ADAMTS2: variants seen among roughly 807,000 people sequenced by gnomAD.
ADAMTS2 encodes ADAM metallopeptidase with thrombospondin type 1 motif 2.
Under a neutral mutation model 123.0 loss-of-function variants are expected in ADAMTS2, and 50 were observed. The ratio of observed to expected loss-of-function variants is 0.41; its 90% CI spans 0.32 to 0.51. The LOEUF (loss-of-function observed/expected upper bound fraction) is 0.51. Among genes scored for constraint, ADAMTS2 ranks in the 20% least tolerant of loss-of-function variants. The pLI is 0.35. For missense variants in ADAMTS2, 1,494 were observed against 1,705.2 expected, an observed-to-expected ratio of 0.88 and a Z score of 2.18; for synonymous variants, 678 against 695.4, an observed-to-expected ratio of 0.98 and a Z score of 0.39.
intron 9 of ADAMTS2, among the ~76,000 whole-genome samples, chr5:179,153,032 C>T (rs1479789790): frequency 6.6e-6 from 1 of 152,236 alleles, no homozygotes; most frequent in Non-Finnish European, 1.5e-5. Flanking sequence ...ATGCCGATGG[C>T]CGGTTCCTCT....
chr5:179,181,200 A>ACTGGCT lies in ADAMTS2; in HGVS notation c.892-51_892-46dup. 6.9e-7 allele frequency: 1 copy of ACTGGCT among 1,439,082 alleles called. No homozygotes were observed. Among genetic ancestry groups the ACTGGCT allele is most frequent in the Non-Finnish European group, 9.8e-7 (1 of 1,021,366 alleles). 89.1% of individuals were successfully genotyped at this position (1,439,082 alleles called of 1,614,324 possible). A position where few individuals can be genotyped will look rare whatever the true frequency, so the allele number is the denominator to read the frequency against. ...ATCAGCGGGAACCACAGGCCCTAGGACTGGCTCTGGCTCTGCCAATGGGAT... is the reference window on the plus strand; with the variant it reads ...ATCAGCGGGAACCACAGGCCCTAGGACTGGCTCTGGCTCTGGCTCTGCCAATGGGAT... On this transcript the variant is annotated intron_variant, in intron 4 of 21. Transcript: ENST00000251582. This position sits in a 1 kb window ranked among gnomAD's most constrained non-coding sequence, Gnocchi z 4.1.
At chr5:179,280,072 A>G (rs1203184716) in intron 2 of ADAMTS2, among the ~76,000 whole-genome samples, 1 of 152,196 alleles carries the variant, frequency 6.6e-6, no homozygotes, top group Non-Finnish European at 1.5e-5. Flanking sequence ...TGCTGAGCAC[A>G]GTGACCACAA....
intron 2 of ADAMTS2, among the ~76,000 whole-genome samples, chr5:179,277,341 CCCCCCTGAGACCAAAGGCTGACA>C (rs1766732618): frequency 5.6e-5 from 1 of 17,736 alleles, no homozygotes; most frequent in African/African-American, 5.8e-4. Context: ...CAAAGGCTGA[CCCCCCTGAGACCAAAGGCTGACA>C]CCCCCCGAGA....
chr5:179,344,130 G>A lies in ADAMTS2; in HGVS notation c.171C>T (p.Ile57=). Residue 57 remains isoleucine, a synonymous_variant, in exon 2 of 22, where the codon ATC becomes ATT. Transcript: ENST00000251582. ...GGPLGHGAER[I]LAVPVRTDAQ... is the part of the protein sequence containing the mutation. ...CGTCAGTGCGCACGGGCACCGCCAG[G>A]ATGCGCTCCGCTCCGTGCCCCAGGG... 6.2e-7 allele frequency: 1 copy of A among 1,605,634 alleles called. No individual in the cohort carries two copies. Among genetic ancestry groups the A allele is most frequent in the South Asian group, 1.1e-5 (1 of 90,056 alleles).
At chr5:179,148,687 C>G (rs1251778734) in intron 10 of ADAMTS2, among the ~76,000 whole-genome samples, 1 of 152,204 alleles carries the variant, frequency 6.6e-6, no homozygotes, top group East Asian at 1.9e-4. Context: ...CTCGGGCAAG[C>G]CCCACCTAGC....
chr5:179,273,770 CT>C (rs956152587), intron 2 of ADAMTS2, among the ~76,000 whole-genome samples: 15 of 152,108 alleles, frequency 9.9e-5, no homozygotes, highest in African/African-American at 2.4e-5. Context: ...ACTGCTGCCC[CT>C]GACCCCCTAG....
At chr5:179,193,699 C>T (rs976385927) in intron 4 of ADAMTS2, among the ~76,000 whole-genome samples, 1 of 152,222 alleles carries the variant, frequency 6.6e-6, no homozygotes, top group East Asian at 1.9e-4. Context: ...ATTTACTGAG[C>T]ACCTACTACG....
At chr5:179,274,688 C>T (rs568877906) in intron 2 of ADAMTS2, among the ~76,000 whole-genome samples, 1 of 152,356 alleles carries the variant, frequency 6.6e-6, no homozygotes, top group South Asian at 2.1e-4. Context: ...CTCTGCAGAC[C>T]GAGATGCAGT....
rs778246396 is a variant in ADAMTS2 at position 179,129,429 on chromosome 5, A to G, written c.2457+503T>C. ...TCCCTATGCAGTTAAATTACATTTT[A>G]AAAAGTGATCTGACCTCCTCAAAAC... On this transcript the variant is annotated intron_variant, in intron 16 of 21. Transcript: ENST00000251582. The surrounding 1 kb of genome is among the most constrained non-coding windows in gnomAD (Gnocchi z 4.1). Among the ~76,000 whole-genome samples the G allele has an allele frequency of 5.9e-5, 9 of 152,226 alleles. No individual in the cohort carries two copies. Among genetic ancestry groups the G allele is most frequent in the Non-Finnish European group, 1.0e-4 (7 of 68,038 alleles).
At chr5:179,247,472 T>A (rs1258797785) in intron 3 of ADAMTS2, among the ~76,000 whole-genome samples, 1 of 152,124 alleles carries the variant, frequency 6.6e-6, no homozygotes, top group Non-Finnish European at 1.5e-5. Flanking sequence ...GAAAAAACAA[T>A]GGCTCCAAAT....
intron 2 of ADAMTS2, among the ~76,000 whole-genome samples, chr5:179,295,536 G>A (rs774285941): frequency 5.3e-5 from 8 of 152,154 alleles, no homozygotes; most frequent in Non-Finnish European, 7.4e-5. Context: ...CCTGTAGCCC[G>A]ACCAGGCAGC....
At chr5:179,302,061 G>A (rs1053192852) in intron 2 of ADAMTS2, among the ~76,000 whole-genome samples, 21 of 152,192 alleles carry the variant, frequency 1.4e-4, no homozygotes, top group Admixed American at 1.2e-3. Flanking sequence ...CAGCCCTTCC[G>A]CCAGCCTCTG....
intron 10 of ADAMTS2, among the ~76,000 whole-genome samples, chr5:179,149,901 G>A (rs1245872452): frequency 1.3e-5 from 2 of 152,032 alleles, no homozygotes; most frequent in African/African-American, 4.8e-5. Context: ...TACATAAAAG[G>A]CAATTTCACT....
Position 179,117,604 on chromosome 5 carries a change from G to A in ADAMTS2, c.3179-3280C>T, listed in dbSNP as rs1015277586. Among the ~76,000 whole-genome samples, 63 of 151,320 alleles carry A rather than the reference G, an allele frequency of 4.2e-4. 1 individual carries two copies. The highest frequency in any genetic ancestry group is 4.1e-3 in the Admixed American group (63 of 15,198). On this transcript the variant is annotated intron_variant, in intron 21 of 21. Coordinates refer to ENST00000251582, the MANE Select transcript of ADAMTS2 (RefSeq NM_014244.5). The surrounding 1 kb of genome is among the most constrained non-coding windows in gnomAD (Gnocchi z 4.2). ...GTCTTGCTCTGTCGCCCAGGCTGGA[G>A]TGCAGTGGCGTGATCTTGGCTCACT...
intron 3 of ADAMTS2, among the ~76,000 whole-genome samples, chr5:179,245,765 CAAAAAAAAA>C (rs1171837041): frequency 2.9e-4 from 5 of 17,200 alleles, no homozygotes; most frequent in East Asian, 2.5e-3. Flanking sequence ...GACTCCGTCT[CAAAAAAAAA>C]AAAAAAAAAA....
chr5:179,230,936 G>A (rs530981732), intron 3 of ADAMTS2, among the ~76,000 whole-genome samples: 1 of 152,008 alleles, frequency 6.6e-6, no homozygotes, highest in African/African-American at 2.4e-5. Flanking sequence ...GCTTGAACCC[G>A]GGAGGCGGAG....
chr5:179,128,586 C>T lies in ADAMTS2; in HGVS notation c.2458-468G>A, dbSNP rs1226302717. On this transcript the variant is annotated intron_variant, in intron 16 of 21. Coordinates refer to ENST00000251582, the MANE Select transcript of ADAMTS2 (RefSeq NM_014244.5). This position sits in a 1 kb window ranked among gnomAD's most constrained non-coding sequence, Gnocchi z 4.9. Reference sequence around the variant, plus strand: ...TTTTGTATTTTTAGTAGAGACAGGGCTTCCCCATGTTGGCCAGGCTGGTCT... The same window carrying T: ...TTTTGTATTTTTAGTAGAGACAGGGTTTCCCCATGTTGGCCAGGCTGGTCT... Among the ~76,000 whole-genome samples the T allele has an allele frequency of 6.6e-6, 1 of 152,042 alleles. No individual in the cohort carries two copies. Among genetic ancestry groups the T allele is most frequent in the African/African-American group, 2.4e-5 (1 of 41,460 alleles).
At chr5:179,137,643 G>A in intron 12 of ADAMTS2, 126 bp downstream of exon 12, 2 of 1,325,036 alleles carry the variant, frequency 1.5e-6, no homozygotes, top group Non-Finnish European at 2.1e-6. Flanking sequence ...AGCCAGGGTG[G>A]GCTCTCCTGC....
intron 3 of ADAMTS2, among the ~76,000 whole-genome samples, chr5:179,266,684 T>C (rs1766380387): frequency 6.6e-6 from 1 of 152,200 alleles, no homozygotes; most frequent in South Asian, 2.1e-4. Context: ...CGTCGACAGC[T>C]ACAGGGCAGA....
Sources: allele counts gnomAD v4.1 joint callset (sites outside exome capture counted in the v4.1 genomes callset), GRCh38; gene constraint gnomAD v4.1.1; non-coding constraint Gnocchi (gnomAD v3.1); transcripts MANE v1.5; gene names NCBI Gene and HGNC (gene_info 2026-07-23, HGNC 2026-07-21).